DGKB: variants seen among roughly 807,000 people sequenced by gnomAD.
The protein encoded by DGKB is 90 kDa diacylglycerol kinase.
In DGKB, 67 loss-of-function variants were observed where a neutral mutation model predicts 114.3. The ratio of observed to expected loss-of-function variants is 0.59; its 90% CI spans 0.48 to 0.72. The LOEUF (loss-of-function observed/expected upper bound fraction) is 0.72, where lower values mean the gene tolerates loss of function less well. Among genes scored for constraint, DGKB ranks in the 30% least tolerant of loss-of-function variants. The probability of loss-of-function intolerance (pLI) is 0.00; values close to 1 mark genes in which losing one functional copy is unlikely to be tolerated. For synonymous variants in DGKB, 398 were observed against 323.1 expected (o/e 1.23, Z -2.49); for missense variants, 907 against 975.2 (o/e 0.93, Z 0.93).
intron 1 of DGKB, among the ~76,000 whole-genome samples, chr7:14,874,234 G>A (rs12669743): frequency 0.067 from 10,229 of 151,968 alleles, 549 homozygotes; most frequent in East Asian, 0.3. Context: ...CAGGCTCTTT[G>A]GCTGCCTTTC....
intron 21 of DGKB, among the ~76,000 whole-genome samples, chr7:14,415,543 A>T (rs575621924): frequency 6.6e-6 from 1 of 151,468 alleles, no homozygotes; most frequent in African/African-American, 2.4e-5. Context: ...TTCTTGCGAT[A>T]GTTTGCTGAG....
chr7:14,801,738 G>A lies in DGKB; in HGVS notation c.70+39456C>T, dbSNP rs146097263. 2.6e-3 allele frequency among the ~76,000 whole-genome samples: 400 copies of A among 152,000 alleles called. 1 individual carries two copies. Among genetic ancestry groups the A allele is most frequent in the African/African-American group, 9.4e-3 (389 of 41,456 alleles). On this transcript the variant is annotated intron_variant, in intron 2 of 25. Coordinates refer to ENST00000402815, the MANE Select transcript of DGKB (RefSeq NM_001350709.2). ...ACCATCTTTCCTGGATCGCCAGCTT[G>A]TAGAAGGCACATTGAGGGACTTTAC... is the stretch of plus-strand genomic sequence containing the variant.
intron 21 of DGKB, among the ~76,000 whole-genome samples, chr7:14,418,716 C>T (rs1445821032): frequency 6.6e-6 from 1 of 151,666 alleles, no homozygotes; most frequent in Non-Finnish European, 1.5e-5. Flanking sequence ...GGATATGTTG[C>T]TTCATAGCTA....
chr7:14,633,276 G>C (rs1202888943), intron 13 of DGKB, among the ~76,000 whole-genome samples: 1 of 151,786 alleles, frequency 6.6e-6, no homozygotes, highest in African/African-American at 2.4e-5. Context: ...TGAGTAGCAG[G>C]ATCAACCAAA....
chr7:14,915,044 A>G (rs74894885), intron 1 of DGKB, among the ~76,000 whole-genome samples: 2,278 of 152,244 alleles, frequency 0.015, 55 homozygotes, highest in African/African-American at 0.045. Flanking sequence ...AATTACAAAC[A>G]TAAGCATCAT....
At chr7:14,476,708 G>A (rs779745215) in intron 21 of DGKB, among the ~76,000 whole-genome samples, 30 of 150,882 alleles carry the variant, frequency 2.0e-4, no homozygotes, top group Non-Finnish European at 3.1e-4. Context: ...ACAAATCAAG[G>A]AAATACCCAA....
At chr7:14,155,988 G>C (rs569450252) in intron 25 of DGKB, among the ~76,000 whole-genome samples, 2 of 152,198 alleles carry the variant, frequency 1.3e-5, no homozygotes, top group Admixed American at 6.6e-5. Flanking sequence ...AAGACCAGTG[G>C]GGCATATATG....
upstream of DGKB, among the ~76,000 whole-genome samples, chr7:14,903,892 T>G (rs536260541): frequency 6.6e-6 from 1 of 152,244 alleles, no homozygotes; most frequent in South Asian, 2.1e-4. Flanking sequence ...GACATAGAAG[T>G]CCCGTGGTTG....
At chr7:14,337,403 A>G (rs944325579) in intron 23 of DGKB, among the ~76,000 whole-genome samples, 2 of 152,130 alleles carry the variant, frequency 1.3e-5, no homozygotes, top group Non-Finnish European at 2.9e-5. Context: ...TTACTTACAC[A>G]TTTTAAGGGC....
intron 1 of DGKB, among the ~76,000 whole-genome samples, chr7:14,908,917 C>T (rs114824297): frequency 0.021 from 3,122 of 152,248 alleles, 113 homozygotes; most frequent in African/African-American, 0.072. Context: ...ATTATCTTCA[C>T]TGTTGTAAAT....
At chr7:14,810,152 G>A (rs1039042477) in intron 2 of DGKB, among the ~76,000 whole-genome samples, 2 of 152,192 alleles carry the variant, frequency 1.3e-5, no homozygotes, top group African/African-American at 2.4e-5. Flanking sequence ...GAATTGGCCT[G>A]AAACTAGGAA....
At chr7:14,238,459 T>C (rs2128358269) in intron 23 of DGKB, among the ~76,000 whole-genome samples, 1 of 150,786 alleles carries the variant, frequency 6.6e-6, no homozygotes. Context: ...CTCGGGTAGT[T>C]CTTTATAGCC....
intron 13 of DGKB, among the ~76,000 whole-genome samples, chr7:14,655,549 A>T (rs1563810903): frequency 6.6e-6 from 1 of 151,798 alleles, no homozygotes; most frequent in African/African-American, 2.4e-5. Context: ...TAGCCAAAGG[A>T]AAGGAAACTT....
upstream of DGKB, among the ~76,000 whole-genome samples, chr7:14,907,113 A>G (rs962914889): frequency 6.6e-6 from 1 of 152,218 alleles, no homozygotes; most frequent in Non-Finnish European, 1.5e-5. Flanking sequence ...TCAGTGGGAC[A>G]TAAGCTGGAA....
At chr7:14,365,968 A>G (rs533071816) in intron 21 of DGKB, among the ~76,000 whole-genome samples, 1 of 152,094 alleles carries the variant, frequency 6.6e-6, no homozygotes, top group Non-Finnish European at 1.5e-5. Context: ...CACATGATAT[A>G]TATGTGCAGA....
chr7:14,260,902 T>A (rs1045094863), intron 23 of DGKB, among the ~76,000 whole-genome samples: 1 of 152,180 alleles, frequency 6.6e-6, no homozygotes, highest in Non-Finnish European at 1.5e-5. Flanking sequence ...CAAAGTAAAG[T>A]GGATTATGAT....
At chr7:14,786,871 G>A (rs1324726232) in intron 2 of DGKB, among the ~76,000 whole-genome samples, 7 of 152,090 alleles carry the variant, frequency 4.6e-5, no homozygotes, top group Non-Finnish European at 1.0e-4. Context: ...CTAAAAACCC[G>A]AGACTCAGTC....
intron 21 of DGKB, among the ~76,000 whole-genome samples, chr7:14,362,122 C>T (rs923120854): frequency 1.3e-5 from 2 of 151,946 alleles, no homozygotes; most frequent in South Asian, 2.1e-4. Context: ...ATATTACTGT[C>T]GTTTTGTACC....
chr7:14,177,253 C>T (rs537434599), intron 24 of DGKB, among the ~76,000 whole-genome samples: 2 of 152,136 alleles, frequency 1.3e-5, no homozygotes, highest in South Asian at 4.1e-4. Flanking sequence ...AGGTGTTTCT[C>T]CCAGTTCTTC....
Sources: gnomAD v4.1 joint callset for allele counts (sites outside exome capture counted in the v4.1 genomes callset) on GRCh38, gnomAD v4.1.1 for gene constraint, MANE v1.5 for transcripts, NCBI Gene and HGNC (gene_info 2026-07-23, HGNC 2026-07-21) for gene names.